Variants in HMGB1 observed in about 807,000 individuals in gnomAD.
The protein encoded by HMGB1 is high mobility group box 1, also known as high mobility group protein B1.
For missense variants in HMGB1, 79 were observed against 253.5 expected (o/e 0.31, Z 4.67); for synonymous variants, 81 against 84.0 (o/e 0.96, Z 0.19).
intron 1 of HMGB1, among the ~76,000 whole-genome samples, chr13:30,509,546 A>G (rs146563604): frequency 1.3e-3 from 191 of 152,088 alleles, no homozygotes; most frequent in African/African-American, 4.5e-3. Flanking sequence ...CCGTGCCCCA[A>G]TATTCTTAAT....
At chr13:30,602,620 A>G (rs1308464244) in intron 1 of HMGB1, among the ~76,000 whole-genome samples, 1 of 152,248 alleles carries the variant, frequency 6.6e-6, no homozygotes. Context: ...CTTAGAATTT[A>G]TATGAGTAGC....
chr13:30,560,778 G>A (rs920640810), intron 1 of HMGB1, among the ~76,000 whole-genome samples: 3 of 152,134 alleles, frequency 2.0e-5, no homozygotes, highest in Admixed American at 6.5e-5. Context: ...ATTCTAGCAT[G>A]ATAGGCTCAC....
chr13:30,541,196 GA>G (rs1566020104), intron 1 of HMGB1, among the ~76,000 whole-genome samples: 1 of 152,106 alleles, frequency 6.6e-6, no homozygotes, highest in East Asian at 1.9e-4. Context: ...TAAGGGGCTG[GA>G]AAACGAAACT....
chr13:30,562,678 G>A (rs1870013434), intron 1 of HMGB1, among the ~76,000 whole-genome samples: 2 of 152,302 alleles, frequency 1.3e-5, no homozygotes, highest in South Asian at 2.1e-4. Context: ...GAATCTAAGA[G>A]GTACAAAGAC....
At chr13:30,579,110 A>C (rs1383605811) in intron 1 of HMGB1, among the ~76,000 whole-genome samples, 1 of 152,258 alleles carries the variant, frequency 6.6e-6, no homozygotes, top group Admixed American at 6.5e-5. Flanking sequence ...CTAGAACTGT[A>C]CCTGAGACAT....
chr13:30,572,177 G>A (rs942720232), intron 1 of HMGB1, among the ~76,000 whole-genome samples: 3 of 152,174 alleles, frequency 2.0e-5, no homozygotes, highest in African/African-American at 7.2e-5. Flanking sequence ...ACTGTTCATG[G>A]GTATCAGGGT....
At chr13:30,515,458 T>C (rs1206752712) in intron 1 of HMGB1, among the ~76,000 whole-genome samples, 1 of 152,216 alleles carries the variant, frequency 6.6e-6, no homozygotes, top group Non-Finnish European at 1.5e-5. Context: ...AGAAGACTAA[T>C]AGTACTTCTC....
At chr13:30,462,326 A>T in intron 4 of HMGB1, 1 of 599,418 alleles carries the variant, frequency 1.7e-6, no homozygotes, top group Non-Finnish European at 3.0e-6. Flanking sequence ...AACCAACATA[A>T]ATGTACACAG....
chr13:30,463,120 C>T, intron 3 of HMGB1, 87 bp downstream of exon 3: 1 of 1,298,072 alleles, frequency 7.7e-7, no homozygotes, highest in East Asian at 2.3e-5. Flanking sequence ...TACATTTACA[C>T]TCTAAACTGA....
chr13:30,584,173 T>A (rs560285934), intron 1 of HMGB1, among the ~76,000 whole-genome samples: 1 of 152,280 alleles, frequency 6.6e-6, no homozygotes, highest in Admixed American at 6.5e-5. Context: ...GCTCAAATAA[T>A]CTCATGCCAA....
intron 1 of HMGB1, chr13:30,464,318 T>C: frequency 1.0e-6 from 1 of 985,458 alleles, no homozygotes; most frequent in Non-Finnish European, 1.2e-6. Context: ...GATGTATTTC[T>C]GTTCTGACTA....
chr13:30,516,750 T>C (rs1888110720), intron 1 of HMGB1, among the ~76,000 whole-genome samples: 1 of 152,014 alleles, frequency 6.6e-6, no homozygotes. Flanking sequence ...AGACCCTGTC[T>C]ATACAAAAAA....
intron 1 of HMGB1, among the ~76,000 whole-genome samples, chr13:30,615,896 T>C (rs957732785): frequency 6.6e-6 from 1 of 152,210 alleles, no homozygotes. Flanking sequence ...CTTTAAATCA[T>C]GTGAGTTTAT....
intron 1 of HMGB1, chr13:30,540,430 C>G (rs1221400746): frequency 6.4e-6 from 1 of 155,256 alleles, no homozygotes; most frequent in Non-Finnish European, 1.5e-5. Flanking sequence ...TCTCCATATT[C>G]TGTGTGTAGA....
At chr13:30,601,900 C>T (rs1950406259) in intron 1 of HMGB1, among the ~76,000 whole-genome samples, 2 of 151,708 alleles carry the variant, frequency 1.3e-5, no homozygotes, top group South Asian at 4.2e-4. Context: ...TGATGTATGA[C>T]TTCTAAGACT....
At chr13:30,511,442 G>A (rs1887990850) in intron 1 of HMGB1, among the ~76,000 whole-genome samples, 1 of 152,272 alleles carries the variant, frequency 6.6e-6, no homozygotes, top group Admixed American at 6.5e-5. Context: ...TGACGTGCCT[G>A]CTCCCCCTTC....
chr13:30,462,026 GTATT>G (rs1441011287), intron 4 of HMGB1, among the ~76,000 whole-genome samples: 4 of 152,052 alleles, frequency 2.6e-5, no homozygotes, highest in Admixed American at 6.6e-5. Flanking sequence ...TGAAAATTAA[GTATT>G]TAATATTTCA....
intron 1 of HMGB1, among the ~76,000 whole-genome samples, chr13:30,524,795 G>GTGTA (rs58416975): frequency 0.77 from 117,549 of 151,800 alleles, 46,264 homozygotes; most frequent in Non-Finnish European, 0.84. Flanking sequence ...ATTTATGTCT[G>GTGTA]TAACCATCTG....
chr13:30,597,635 C>T (rs547653346), intron 1 of HMGB1, among the ~76,000 whole-genome samples: 1 of 152,314 alleles, frequency 6.6e-6, no homozygotes, highest in African/African-American at 2.4e-5. Context: ...GTTGAAGATA[C>T]AAACAGACCC....
Sources: gnomAD v4.1 joint callset for allele counts (sites outside exome capture counted in the v4.1 genomes callset) on GRCh38, gnomAD v4.1.1 for gene constraint, MANE v1.5 for transcripts, NCBI Gene and HGNC (gene_info 2026-07-23, HGNC 2026-07-21) for gene names.